Variants in CTNNA2 observed in about 807,000 individuals in gnomAD.
CTNNA2 encodes catenin alpha 2, also known as catenin alpha-2.
CTNNA2 carries 42 observed loss-of-function variants against 101.0 expected under a neutral mutation model. The ratio of observed to expected loss-of-function variants is 0.42; its 90% CI spans 0.32 to 0.54. The LOEUF (loss-of-function observed/expected upper bound fraction) is 0.54, where lower values mean the gene tolerates loss of function less well. CTNNA2 is among the 20% of genes least tolerant of loss of function. The probability of loss-of-function intolerance (pLI) is 0.14; values close to 1 mark genes in which losing one functional copy is unlikely to be tolerated. For synonymous variants in CTNNA2, 450 were observed against 456.4 expected (o/e 0.99, Z 0.18); for missense variants, 871 against 1,223.1 (o/e 0.71, Z 4.29).
At chr2:80,544,914 A>G (rs78693253) in intron 9 of CTNNA2, 68 bp from the exon 10 acceptor site, 27,931 of 1,351,458 alleles carry the variant, frequency 0.021, 396 homozygotes, top group Middle Eastern at 0.029. Flanking sequence ...GAGAAGGTCC[A>G]AGGCGGAGCA....
intron 7 of CTNNA2, among the ~76,000 whole-genome samples, chr2:79,980,647 A>G (rs1691199679): frequency 6.6e-6 from 1 of 152,162 alleles, no homozygotes; most frequent in Non-Finnish European, 1.5e-5. Context: ...TTTAAAAGTA[A>G]AATATAATGT....
At chr2:79,473,209 T>G (rs1671017769) in intron 4 of CTNNA2, among the ~76,000 whole-genome samples, 1 of 152,208 alleles carries the variant, frequency 6.6e-6, no homozygotes, top group African/African-American at 2.4e-5. Context: ...CAATCTAAGC[T>G]TCTAGCATGC....
intron 7 of CTNNA2, among the ~76,000 whole-genome samples, chr2:80,131,094 G>C (rs1185587088): frequency 4.6e-5 from 7 of 151,938 alleles, no homozygotes. Flanking sequence ...GTCTGTCTCT[G>C]TCGCCCAGGT....
intron 3 of CTNNA2, among the ~76,000 whole-genome samples, chr2:79,315,570 T>A (rs756093316): frequency 1.3e-5 from 2 of 152,178 alleles, no homozygotes; most frequent in African/African-American, 2.4e-5. Context: ...TTAAGATATA[T>A]CCATATTTCA....
intron 2 of CTNNA2, among the ~76,000 whole-genome samples, chr2:79,234,055 T>G (rs548387559): frequency 6.6e-6 from 1 of 150,968 alleles, no homozygotes; most frequent in East Asian, 2.0e-4. Flanking sequence ...TTAGTATTGA[T>G]ATACAAGATT....
At chr2:80,326,953 C>G (rs1670862544) in intron 7 of CTNNA2, among the ~76,000 whole-genome samples, 1 of 152,040 alleles carries the variant, frequency 6.6e-6, no homozygotes, top group South Asian at 2.1e-4. Flanking sequence ...AATTTATTTG[C>G]TTTTTAGAAA....
At chr2:80,224,529 C>A (rs1708761902) in intron 7 of CTNNA2, among the ~76,000 whole-genome samples, 1 of 151,914 alleles carries the variant, frequency 6.6e-6, no homozygotes, top group South Asian at 2.1e-4. Context: ...ACTGCAACCT[C>A]CATCTCCTGG....
At chr2:79,189,630 C>T (rs1311374086) in intron 1 of CTNNA2, among the ~76,000 whole-genome samples, 4 of 152,132 alleles carry the variant, frequency 2.6e-5, no homozygotes, top group Non-Finnish European at 4.4e-5. Context: ...AAACTACAGA[C>T]CATCTGTGTT....
At chr2:79,336,852 G>A (rs941678769) in intron 3 of CTNNA2, among the ~76,000 whole-genome samples, 1 of 152,134 alleles carries the variant, frequency 6.6e-6, no homozygotes, top group African/African-American at 2.4e-5. Context: ...GTGGCATGGT[G>A]GTGTTGTCTA....
intron 6 of CTNNA2, among the ~76,000 whole-genome samples, chr2:79,898,027 A>G (rs980649017): frequency 1.3e-5 from 2 of 152,222 alleles, no homozygotes; most frequent in African/African-American, 4.8e-5. Flanking sequence ...TCACCTTGGC[A>G]ACACCTGAAT....
At chr2:79,897,187 G>C (rs952816990) in intron 6 of CTNNA2, among the ~76,000 whole-genome samples, 18 of 152,004 alleles carry the variant, frequency 1.2e-4, no homozygotes, top group African/African-American at 4.1e-4. Flanking sequence ...AGAATTACTA[G>C]GTAAGAGTCC....
At chr2:79,950,021 G>A (rs1243013795) in intron 7 of CTNNA2, among the ~76,000 whole-genome samples, 2 of 151,826 alleles carry the variant, frequency 1.3e-5, no homozygotes, top group Non-Finnish European at 1.5e-5. Flanking sequence ...AATGTACATG[G>A]AAAAGAAAAT....
chr2:80,388,176 T>A (rs1248129544), intron 7 of CTNNA2, among the ~76,000 whole-genome samples: 1 of 152,120 alleles, frequency 6.6e-6, no homozygotes, highest in Admixed American at 6.5e-5. Flanking sequence ...AGATATGGAA[T>A]GGAAAAAGCC....
intron 2 of CTNNA2, among the ~76,000 whole-genome samples, chr2:79,245,425 A>G (rs1180706869): frequency 6.6e-6 from 1 of 152,196 alleles, no homozygotes; most frequent in Non-Finnish European, 1.5e-5. Context: ...ACTCTAGCTT[A>G]GGTGACAGAG....
chr2:79,218,114 G>C (rs1179427273), intron 2 of CTNNA2, among the ~76,000 whole-genome samples: 1 of 152,134 alleles, frequency 6.6e-6, no homozygotes, highest in Non-Finnish European at 1.5e-5. Context: ...GAAGCTTACA[G>C]AACATCAGGT....
chr2:79,217,281 C>G (rs12988169), intron 2 of CTNNA2, among the ~76,000 whole-genome samples: 29,316 of 152,090 alleles, frequency 0.19, 3,299 homozygotes, highest in African/African-American at 0.31. Context: ...CAAGGGAGGT[C>G]CCCCGATCCG....
intron 7 of CTNNA2, among the ~76,000 whole-genome samples, chr2:80,170,659 T>C (rs113445604): frequency 0.01 from 1,550 of 152,318 alleles, 32 homozygotes; most frequent in African/African-American, 0.035. Context: ...GCTTATCCGA[T>C]GAAATAATAT....
intron 7 of CTNNA2, among the ~76,000 whole-genome samples, chr2:79,986,062 G>A (rs751839244): frequency 1.3e-5 from 2 of 152,122 alleles, no homozygotes; most frequent in Non-Finnish European, 2.9e-5. Context: ...GCTTTGAAGG[G>A]CATATTTTGA....
At chr2:80,570,043 A>T (rs994012974) in intron 12 of CTNNA2, among the ~76,000 whole-genome samples, 2 of 150,902 alleles carry the variant, frequency 1.3e-5, no homozygotes. Flanking sequence ...TTTTGTTTTT[A>T]TGTCTCATCA....
Sources: gnomAD v4.1 joint callset for allele counts (sites outside exome capture counted in the v4.1 genomes callset) on GRCh38, gnomAD v4.1.1 for gene constraint, MANE v1.5 for transcripts, NCBI Gene and HGNC (gene_info 2026-07-23, HGNC 2026-07-21) for gene names.